DGKB: variants seen among roughly 807,000 people sequenced by gnomAD.
DGKB encodes the protein 90 kDa diacylglycerol kinase.
In DGKB, 67 loss-of-function variants were observed where a neutral mutation model predicts 114.3. That is an observed-to-expected ratio of 0.59 (90% CI 0.48 to 0.72). The LOEUF (loss-of-function observed/expected upper bound fraction) is 0.72. DGKB is among the 30% of genes least tolerant of loss of function. The pLI, the probability that DGKB is intolerant of heterozygous loss-of-function variation, is 0.00. For synonymous variants in DGKB, 398 were observed against 323.1 expected (o/e 1.23, Z -2.49); for missense variants, 907 against 975.2 (o/e 0.93, Z 0.93).
chr7:14,712,118 C>A (rs544901606), intron 6 of DGKB, among the ~76,000 whole-genome samples: 4 of 151,926 alleles, frequency 2.6e-5, no homozygotes, highest in Admixed American at 6.6e-5. Flanking sequence ...AAAATGGATT[C>A]TCTGTGAAGT....
chr7:14,913,844 C>G (rs1784108411), intron 1 of DGKB, among the ~76,000 whole-genome samples: 1 of 152,110 alleles, frequency 6.6e-6, no homozygotes, highest in South Asian at 2.1e-4. Context: ...TAATCAATAA[C>G]TTTTCTTAGG....
intron 20 of DGKB, among the ~76,000 whole-genome samples, chr7:14,488,897 C>G (rs148039898): frequency 1.2e-4 from 18 of 150,372 alleles, no homozygotes; most frequent in South Asian, 4.2e-4. Flanking sequence ...AAATTATTTT[C>G]TAGAAATCTA....
chr7:14,327,261 A>T (rs1808908112), intron 23 of DGKB, among the ~76,000 whole-genome samples: 1 of 152,156 alleles, frequency 6.6e-6, no homozygotes, highest in Admixed American at 6.6e-5. Flanking sequence ...ATGTTTACAA[A>T]GATAACATAT....
chr7:14,827,650 C>T (rs1036935886), intron 2 of DGKB, among the ~76,000 whole-genome samples: 2 of 152,052 alleles, frequency 1.3e-5, no homozygotes, highest in Admixed American at 1.3e-4. Context: ...TAACTTATCC[C>T]TTATTTATTG....
chr7:14,237,427 T>C (rs1258829301), intron 23 of DGKB, among the ~76,000 whole-genome samples: 1 of 151,972 alleles, frequency 6.6e-6, no homozygotes, highest in African/African-American at 2.4e-5. Context: ...GTGAAAGCGC[T>C]AATATATGAG....
At position 14,333,292 on chromosome 7, in the gene DGKB, C is replaced by G. The variant is rs562741123; in HGVS notation, c.2122+5223G>C. On this transcript the variant is annotated intron_variant, in intron 23 of 25. Transcript: ENST00000402815. The stretch of plus-strand genomic sequence containing the variant: ...GCTAACACGGTGAAATACCCCTCTA[C>G]TAAAAATACAAAAACAAAATTAGCC... Among the ~76,000 whole-genome samples the G allele has an allele frequency of 3.3e-5, 5 of 151,822 alleles. No individual in the cohort carries two copies. The East Asian group carries it at 9.8e-4, about 30-fold the overall frequency.
intron 21 of DGKB, among the ~76,000 whole-genome samples, chr7:14,465,700 A>C (rs1186070160): frequency 1.3e-5 from 2 of 152,162 alleles, no homozygotes; most frequent in African/African-American, 4.8e-5. Flanking sequence ...TAGGAGGTGG[A>C]AGAGCCACTA....
intron 23 of DGKB, among the ~76,000 whole-genome samples, chr7:14,267,700 AGGATGGT>A (rs1797717967): frequency 6.6e-6 from 1 of 152,044 alleles, no homozygotes; most frequent in Non-Finnish European, 1.5e-5. Context: ...CGTGTTAGCC[AGGATGGT>A]CTCGATCTCC....
intron 21 of DGKB, among the ~76,000 whole-genome samples, chr7:14,440,713 TAAAC>T (rs1829965450): frequency 6.6e-6 from 1 of 152,182 alleles, no homozygotes; most frequent in South Asian, 2.1e-4. Context: ...TTAACACTCT[TAAAC>T]AAGTATCCTT....
At chr7:14,694,604 A>AATTT (rs1309415790) in intron 8 of DGKB, among the ~76,000 whole-genome samples, 1 of 152,224 alleles carries the variant, frequency 6.6e-6, no homozygotes, top group Non-Finnish European at 1.5e-5. Flanking sequence ...GGGGCGAAGG[A>AATTT]ATTTAGTTGC....
chr7:14,702,159 C>T (rs900399580), intron 6 of DGKB, among the ~76,000 whole-genome samples: 1 of 152,088 alleles, frequency 6.6e-6, no homozygotes, highest in Non-Finnish European at 1.5e-5. Flanking sequence ...AGAGCTTGGT[C>T]AAAAACTTTT....
chr7:14,348,531 G>A (rs1260119175), intron 21 of DGKB, among the ~76,000 whole-genome samples: 3 of 151,702 alleles, frequency 2.0e-5, no homozygotes, highest in African/African-American at 4.8e-5. Flanking sequence ...CGACATTAGC[G>A]TTTAGAGAAA....
In DGKB at chr7:14,747,779, G is replaced by GCA. The variant is rs11276008; in HGVS notation, c.168+6147_168+6148dup. On this transcript the variant is annotated intron_variant, in intron 4 of 25. Transcript: ENST00000402815. ...TGGGCTCAAACACATCCACGCGCAC[G>GCA]CACACACACACACACACACACAAAT... is the stretch of plus-strand genomic sequence containing the variant. 6.2e-3 allele frequency among the ~76,000 whole-genome samples: 928 copies of GCA among 148,510 alleles called. 6 individuals carry two copies. Among genetic ancestry groups the GCA allele is most frequent in the Non-Finnish European group, 8.5e-3 (567 of 66,782 alleles).
chr7:14,828,447 T>C (rs1845984451), intron 2 of DGKB, among the ~76,000 whole-genome samples: 1 of 152,048 alleles, frequency 6.6e-6, no homozygotes, highest in African/African-American at 2.4e-5. Flanking sequence ...GTAGATGCCT[T>C]AGACAGTTGG....
intron 23 of DGKB, among the ~76,000 whole-genome samples, chr7:14,315,167 G>A (rs1027743704): frequency 0.027 from 3,786 of 139,724 alleles, 125 homozygotes; most frequent in African/African-American, 0.094. Context: ...GGTACCAGCC[G>A]CTGCAAAATC....
chr7:14,560,036 C>G lies in DGKB; in HGVS notation c.1770+14176G>C, dbSNP rs566239312. 1.3e-3 allele frequency among the ~76,000 whole-genome samples: 183 copies of G among 145,608 alleles called. 2 individuals are homozygous for G. Among genetic ancestry groups the G allele is most frequent in the African/African-American group, 4.5e-3 (178 of 39,638 alleles). On this transcript the variant is annotated intron_variant, in intron 20 of 25. Transcript: ENST00000402815. The stretch of plus-strand genomic sequence containing the variant: ...TGTGGAGAAACATTTATTCAATCTT[C>G]TGCCCATTTTGTAACTAGGTTATTA...
At chr7:14,283,646 G>C (rs1800337939) in intron 23 of DGKB, among the ~76,000 whole-genome samples, 1 of 150,938 alleles carries the variant, frequency 6.6e-6, no homozygotes, top group Non-Finnish European at 1.5e-5. Flanking sequence ...AAACAGCATG[G>C]TACTGGTACC....
chr7:14,205,252 C>T (rs1786585052), intron 23 of DGKB, among the ~76,000 whole-genome samples: 2 of 151,888 alleles, frequency 1.3e-5, no homozygotes, highest in African/African-American at 4.8e-5. Context: ...GATGCATTCA[C>T]ATCTCTTTCA....
intron 5 of DGKB, among the ~76,000 whole-genome samples, chr7:14,730,785 G>A (rs1161637548): frequency 2.0e-5 from 3 of 152,104 alleles, no homozygotes; most frequent in African/African-American, 7.2e-5. Context: ...TGTATCTCCA[G>A]CACCCATGCC....
Sources: gnomAD v4.1 joint callset for allele counts (sites outside exome capture counted in the v4.1 genomes callset) on GRCh38, gnomAD v4.1.1 for gene constraint, MANE v1.5 for transcripts, NCBI Gene and HGNC (gene_info 2026-07-23, HGNC 2026-07-21) for gene names.